LYST: variants seen among roughly 807,000 people sequenced by gnomAD.
LYST encodes the protein lysosomal trafficking regulator, also known as lysosomal-trafficking regulator.
LYST carries 192 observed loss-of-function variants against 413.6 expected under a neutral mutation model. The ratio of observed to expected loss-of-function variants is 0.46; its 90% confidence interval spans 0.41 to 0.52. LYST has a LOEUF of 0.52. LYST is among the 20% of genes least tolerant of loss of function. LYST has a pLI of 0.00. For missense variants in LYST, 3,815 were observed against 4,499.9 expected, an observed-to-expected ratio of 0.85 and a Z score of 4.35; for synonymous variants, 1,525 against 1,567.3, an observed-to-expected ratio of 0.97 and a Z score of 0.64.
At chr1:235,766,816 TTAC>T (rs938312546) in intron 20 of LYST, among the ~76,000 whole-genome samples, 5 of 152,114 alleles carry the variant, frequency 3.3e-5, no homozygotes, top group African/African-American at 9.7e-5. Flanking sequence ...TCTTCTCCTT[TTAC>T]TACTACTACT....
At chr1:235,870,697 CT>C (rs1680887195), upstream of LYST, among the ~76,000 whole-genome samples, 1 of 152,166 alleles carries the variant, frequency 6.6e-6, no homozygotes, top group African/African-American at 2.4e-5. Context: ...ATTGTCACCC[CT>C]GTTTAGACTA....
rs1439374462 is a variant in LYST, at chr1:235,759,480, A to G, written c.6373T>C (p.Leu2125=). The G allele has an allele frequency of 1.9e-6, 3 of 1,614,000 alleles. No individual in the cohort carries two copies. Among genetic ancestry groups the G allele is most frequent in the Admixed American group, 1.7e-5 (1 of 59,982 alleles). The change falls in exon 23 of 53, where the codon TTG becomes CTG. Residue 2125 remains leucine, a synonymous_variant. Transcript: ENST00000389793. The stretch of plus-strand genomic sequence containing the variant: ...TGTAACCTGTCGATACTACAACCCA[A>G]ACTTCCAGTCAGTTTTTGTGATTGC... The part of the protein sequence containing the change: ...LTQSQKLTGS[L]GCSIDRLQNI...
In LYST at chr1:235,791,792, T is replaced by C. The variant is rs755302318; in HGVS notation, c.4450A>G (p.Ile1484Val). The C allele has an allele frequency of 6.2e-7, 1 of 1,613,922 alleles. No homozygotes were observed. ...SVSLWFNVEC[I>V]HEAESTTEKG... Reference sequence around the variant, plus strand: ...TCTGTAGTACTCTCAGCTTCATGGATACACTCCACATTAAACCACAGGGAA... The same window carrying C: ...TCTGTAGTACTCTCAGCTTCATGGACACACTCCACATTAAACCACAGGGAA... Residue 1484 changes from isoleucine (I) to valine (V), a missense_variant, in exon 12 of 53, where the codon ATC becomes GTC. Around this residue, in one of 4 missense-constraint regions of LYST, gnomAD observed 1,648 missense variants for 1,810.3 expected, o/e 0.91. Coordinates refer to ENST00000389793, the MANE Select transcript of LYST (RefSeq NM_000081.4).
intron 8 of LYST, among the ~76,000 whole-genome samples, chr1:235,802,193 C>CAAA (rs35511208): frequency 4.7e-4 from 21 of 45,060 alleles, no homozygotes; most frequent in African/African-American, 1.4e-3. Context: ...GACTCCATTT[C>CAAA]AAAAAAAAAA....
Position 235,830,235 on chromosome 1 carries a change from T to C in LYST, c.183A>G (p.Ile61Met), listed in dbSNP as rs1675802266. 1.9e-6 allele frequency: 3 copies of C among 1,611,142 alleles called. No individual in the cohort carries two copies. ...GATATAAAAATGTTACCTGATCAAT[T>C]ATAGAATTTAGCTTGGTAAGTAATA... ...GFLLLTKLNS[I>M]IDQALTCREE... The change falls in exon 3 of 53, where the codon ATA becomes ATG. Residue 61 changes from isoleucine to methionine, a missense_variant. Ile to Met is a conservative substitution (Grantham distance 10). This residue lies in a region of LYST where 1,648 missense variants were observed against 1,810.3 expected (regional missense o/e 0.91). Coordinates refer to ENST00000389793, the MANE Select transcript of LYST (RefSeq NM_000081.4).
chr1:235,744,180 C>T, intron 29 of LYST, 23 bp from the exon 30 acceptor site: 5 of 1,279,678 alleles, frequency 3.9e-6, no homozygotes, highest in Non-Finnish European at 4.6e-6. Context: ...AAAAAGAATA[C>T]AAAATTAGTC....
chr1:235,798,994 A>G (rs1467634599), intron 10 of LYST, among the ~76,000 whole-genome samples: 2 of 152,246 alleles, frequency 1.3e-5, no homozygotes. Flanking sequence ...GGTGAATGTT[A>G]TGGTATGGGA....
chr1:235,782,069 CA>C lies in LYST; in HGVS notation c.4880del (p.Leu1627TrpfsTer21). 6.2e-7 allele frequency: 1 copy of C among 1,612,608 alleles called. No individual in the cohort carries two copies. Among genetic ancestry groups the C allele is most frequent in the Non-Finnish European group, 8.5e-7 (1 of 1,179,016 alleles). ...TTGTTTTTCTTGGAAGCATAAAATC[CA>C]AAGTAACATCAGGCTTCCTACATTA... ...VSGQRKPDVTLDFMLPRKTSL... is the reference protein window; with the variant it reads ...VSGQRKPDVTXDFMLPRKTSL... On this transcript the variant is annotated frameshift_variant, in exon 15 of 53. Coordinates refer to ENST00000389793, the MANE Select transcript of LYST (RefSeq NM_000081.4). LOFTEE classifies it high-confidence loss of function.
At chr1:235,756,009 A>G (rs1667008610) in intron 24 of LYST, among the ~76,000 whole-genome samples, 1 of 72,876 alleles carries the variant, frequency 1.4e-5, no homozygotes, top group African/African-American at 9.1e-5. Context: ...ATCTATATCT[A>G]TATCTATATC....
At chr1:235,800,482 T>A (rs774957419) in intron 9 of LYST, 96 bp from the exon 10 acceptor site, 5 of 676,592 alleles carry the variant, frequency 7.4e-6, no homozygotes, top group Admixed American at 5.1e-5. Flanking sequence ...GGGTATCTAC[T>A]ATATATGTAT....
At chr1:235,851,331 C>T (rs902714384) in intron 1 of LYST, among the ~76,000 whole-genome samples, 20 of 151,418 alleles carry the variant, frequency 1.3e-4, no homozygotes, top group African/African-American at 4.9e-4. Context: ...TATGTTCTCA[C>T]TGATATGTGG....
intron 36 of LYST, 92 bp from the exon 37 acceptor site, chr1:235,729,749 A>G (rs1664201330): frequency 2.3e-6 from 2 of 878,782 alleles, no homozygotes; most frequent in African/African-American, 3.3e-5. Flanking sequence ...AGATTTCTGC[A>G]AAGCAGACTA....
intron 48 of LYST, 94 bp from the exon 49 acceptor site, chr1:235,677,713 G>T: frequency 1.1e-6 from 1 of 928,340 alleles, no homozygotes; most frequent in Admixed American, 1.8e-5. Flanking sequence ...TGACTCAAAT[G>T]GTCTTCTCAA....
At chr1:235,812,101 T>G (rs2102901133) in intron 4 of LYST, among the ~76,000 whole-genome samples, 1 of 152,296 alleles carries the variant, frequency 6.6e-6, no homozygotes, top group East Asian at 1.9e-4. Flanking sequence ...ATGAAACATT[T>G]AAAGTTTCAT....
At chr1:235,778,994 G>A (rs1669594133) in intron 16 of LYST, among the ~76,000 whole-genome samples, 1 of 151,682 alleles carries the variant, frequency 6.6e-6, no homozygotes, top group African/African-American at 2.4e-5. Flanking sequence ...AGCCTCCTGA[G>A]TAGCTGGGAT....
At chr1:235,800,428 C>T in intron 9 of LYST, 42 bp from the exon 10 acceptor site, 3 of 1,100,574 alleles carry the variant, frequency 2.7e-6, no homozygotes, top group Admixed American at 1.7e-5. Context: ...ACTTACCTCA[C>T]AGAAGCATGA....
At chr1:235,744,246 AT>A (rs1665693498) in intron 29 of LYST, 89 bp from the exon 30 acceptor site, 1 of 722,782 alleles carries the variant, frequency 1.4e-6, no homozygotes, top group East Asian at 2.7e-5. Flanking sequence ...AAAATATTGT[AT>A]TTAATTACTA....
Position 235,686,828 on chromosome 1 carries a change from G to C in LYST, c.10800+121C>G. The C allele has an allele frequency of 1.2e-6, 1 of 807,370 alleles. No homozygotes were observed. Among genetic ancestry groups the C allele is most frequent in the South Asian group, 1.4e-5 (1 of 72,452 alleles). The allele number at this position is 807,370 out of a possible 1,614,324, so 50.0% of individuals were successfully genotyped here. A position where few individuals can be genotyped will look rare whatever the true frequency, so the allele number is the denominator to read the frequency against. ...AAAGCATTTTAAGACCTAATGTAGG[G>C]AGAAGATTAAGGTATAAACATTTTA... On this transcript the variant is annotated intron_variant, in intron 48 of 52. Coordinates refer to ENST00000389793, the MANE Select transcript of LYST (RefSeq NM_000081.4). This position sits in a 1 kb window ranked among gnomAD's most constrained non-coding sequence, Gnocchi z 4.0.
intron 48 of LYST, among the ~76,000 whole-genome samples, chr1:235,684,720 G>C (rs1660074232): frequency 6.6e-6 from 1 of 152,142 alleles, no homozygotes; most frequent in African/African-American, 2.4e-5. Flanking sequence ...CTGGGCTCAA[G>C]TGATACTCCC....
Sources: gnomAD v4.1 joint callset for allele counts (sites outside exome capture counted in the v4.1 genomes callset) on GRCh38, gnomAD v4.1.1 for gene constraint, gnomAD v4.1.1 regional missense constraint, Gnocchi (gnomAD v3.1) non-coding constraint, MANE v1.5 for transcripts, NCBI Gene and HGNC (gene_info 2026-07-23, HGNC 2026-07-21) for gene names.